The following PARD6G variants were observed in gnomAD, a reference collection of about 807,000 sequenced individuals.
The protein encoded by PARD6G is partitioning defective 6 homolog gamma.
Under a neutral mutation model 10.7 loss-of-function variants are expected in PARD6G, and 7 were observed. That is an observed-to-expected ratio of 0.66 (90% CI 0.37 to 1.23). The LOEUF (loss-of-function observed/expected upper bound fraction) is 1.23. Ranked by LOEUF, PARD6G falls within the 50% of genes most tolerant of loss-of-function variation. The pLI is 0.02. For missense variants in PARD6G, 548 were observed against 571.8 expected (o/e 0.96, Z 0.42); for synonymous variants, 287 against 269.4 (o/e 1.07, Z -0.64).
At chr18:80,233,184 C>G (rs1418624585) in intron 1 of PARD6G, among the ~76,000 whole-genome samples, 1 of 152,236 alleles carries the variant, frequency 6.6e-6, no homozygotes, top group African/African-American at 2.4e-5. Flanking sequence ...GTGTCACCTT[C>G]CAGGCAAACT....
intron 2 of PARD6G, among the ~76,000 whole-genome samples, chr18:80,167,875 A>G (rs143769437): frequency 6.6e-6 from 1 of 152,254 alleles, no homozygotes; most frequent in African/African-American, 2.4e-5. Flanking sequence ...TCATAAACTA[A>G]TTCTGAATGA....
chr18:80,177,082 G>GCACA (rs1217419393), intron 2 of PARD6G, among the ~76,000 whole-genome samples: 1 of 104,408 alleles, frequency 9.6e-6, no homozygotes, highest in Non-Finnish European at 2.0e-5. Flanking sequence ...TGGAAAGCGC[G>GCACA]CACACACACA....
intron 1 of PARD6G, among the ~76,000 whole-genome samples, chr18:80,216,274 C>A (rs777782856): frequency 5.4e-4 from 82 of 152,008 alleles, no homozygotes; most frequent in Non-Finnish European, 8.4e-4. Context: ...ACCAACTAGA[C>A]CTGGAAGACA....
At chr18:80,213,946 C>CAA (rs36051371) in intron 1 of PARD6G, among the ~76,000 whole-genome samples, 3,847 of 115,416 alleles carry the variant, frequency 0.033, 259 homozygotes, top group African/African-American at 0.11. Flanking sequence ...GACTCCATCT[C>CAA]AAAAAAAAAA....
At chr18:80,164,399 G>C (rs1406234172) in intron 2 of PARD6G, among the ~76,000 whole-genome samples, 1 of 152,190 alleles carries the variant, frequency 6.6e-6, no homozygotes, top group Non-Finnish European at 1.5e-5. Context: ...TTGCCTCTGT[G>C]ATGTGCTCTC....
rs867163980 is a variant in PARD6G, at chr18:80,200,313, C to A, written c.295+2397G>T. On this transcript the variant is annotated intron_variant, in intron 2 of 2. Coordinates refer to ENST00000353265, the MANE Select transcript of PARD6G (RefSeq NM_032510.4). This position sits in a 1 kb window ranked among gnomAD's most constrained non-coding sequence, Gnocchi z 4.4. ...ACCGGAAACAACTGCCCCTGACTGC[C>A]ACCTGGAATGTCGTCATCTTTACAG... Among the ~76,000 whole-genome samples the A allele has an allele frequency of 1.3e-5, 2 of 152,176 alleles. No homozygotes were observed. Among genetic ancestry groups the A allele is most frequent in the Non-Finnish European group, 2.9e-5 (2 of 68,046 alleles).
intron 1 of PARD6G, among the ~76,000 whole-genome samples, chr18:80,241,794 C>T (rs2145308959): frequency 6.6e-6 from 1 of 152,274 alleles, no homozygotes; most frequent in East Asian, 1.9e-4. Flanking sequence ...CAAGTGAACA[C>T]ATCTAACCAC....
intron 2 of PARD6G, among the ~76,000 whole-genome samples, chr18:80,185,178 A>G (rs1237534058): frequency 6.6e-6 from 1 of 152,232 alleles, no homozygotes; most frequent in African/African-American, 2.4e-5. Context: ...AAGGGGAGTT[A>G]CCAGCACATC....
intron 1 of PARD6G, among the ~76,000 whole-genome samples, chr18:80,242,227 T>C (rs993013322): frequency 2.8e-4 from 42 of 152,238 alleles, no homozygotes; most frequent in African/African-American, 8.7e-4. Flanking sequence ...TCACTGAACC[T>C]GTTTAAGCAC....
chr18:80,160,048 A>G lies in PARD6G; in HGVS notation c.854T>C (p.Leu285Pro). ...GFVGPPAPRV[L>P]QNFHPDEAES... ...CGCCTCGTCGGGGTGGAAGTTCTGC[A>G]GGACGCGCGGGGCGGGGGGACCCAC... Residue 285 changes from leucine (L) to proline (P), a missense_variant, in exon 3 of 3, where the codon CTG (leucine) becomes CCG (proline). Leu to Pro is a moderately conservative substitution (Grantham distance 98, BLOSUM62 -3). This residue lies in a region of PARD6G where 313 missense variants were observed against 279.9 expected (regional missense o/e 1.12). Coordinates refer to ENST00000353265, the MANE Select transcript of PARD6G (RefSeq NM_032510.4). 6.5e-7 allele frequency: 1 copy of G among 1,546,522 alleles called. No individual in the cohort carries two copies. The highest frequency in any genetic ancestry group is 8.7e-7 in the Non-Finnish European group (1 of 1,152,352).
chr18:80,204,023 G>T (rs1338739005), intron 1 of PARD6G, among the ~76,000 whole-genome samples: 1 of 152,034 alleles, frequency 6.6e-6, no homozygotes, highest in Non-Finnish European at 1.5e-5. Context: ...CCCAACCCTG[G>T]CTCAGATGCC....
chr18:80,160,811 G>C (rs1056982191), intron 2 of PARD6G, among the ~76,000 whole-genome samples: 2 of 152,196 alleles, frequency 1.3e-5, no homozygotes, highest in African/African-American at 4.8e-5. Flanking sequence ...TCTCCTTACA[G>C]CTCCACAGGC....
At chr18:80,178,734 C>T (rs561780324) in intron 2 of PARD6G, among the ~76,000 whole-genome samples, 12 of 152,172 alleles carry the variant, frequency 7.9e-5, no homozygotes, top group Non-Finnish European at 7.3e-5. Context: ...AGTGTCTTTA[C>T]AGAACACATG....
rs570055103 is a variant in PARD6G at position 80,195,814 on chromosome 18, T to G, written c.295+6896A>C. Among the ~76,000 whole-genome samples the G allele has an allele frequency of 4.7e-5, 7 of 150,402 alleles. No individual in the cohort carries two copies. In the East Asian group the frequency reaches 1.2e-3, roughly 25 times the overall value. ...CGCTTGAACCTGGGAGGTGGCCGTGTCAGTGAGCTGAGATGGCACCAGTGC... is the reference window on the plus strand; with the variant it reads ...CGCTTGAACCTGGGAGGTGGCCGTGGCAGTGAGCTGAGATGGCACCAGTGC... On this transcript the variant is annotated intron_variant, in intron 2 of 2. Coordinates refer to ENST00000353265, the MANE Select transcript of PARD6G (RefSeq NM_032510.4).
intron 2 of PARD6G, chr18:80,197,546 T>C (rs2145277085): frequency 6.6e-6 from 1 of 152,344 alleles, no homozygotes; most frequent in East Asian, 1.9e-4. Context: ...TTCAGAGTGC[T>C]CTGTGCTGAA....
chr18:80,159,883 GCCAGGT>G lies in PARD6G; in HGVS notation c.1013_1018del (p.Asp338_Leu339del). 2 of 1,514,966 alleles carry G rather than the reference GCCAGGT, an allele frequency of 1.3e-6. No homozygotes were observed. The highest frequency in any genetic ancestry group is 1.8e-6 in the Non-Finnish European group (2 of 1,137,576). 93.8% of individuals were successfully genotyped at this position (1,514,966 alleles called of 1,614,324 possible). A position where few individuals can be genotyped will look rare whatever the true frequency, so the allele number is the denominator to read the frequency against. On this transcript the variant is annotated inframe_deletion, in exon 3 of 3. Coordinates refer to ENST00000353265, the MANE Select transcript of PARD6G (RefSeq NM_032510.4). ...CAGCCGCTGGAGGCCGCCGTCCAGG[GCCAGGT>G]CCCGCTGCAGCCGCTGCGCCAGGCC... is the stretch of plus-strand genomic sequence containing the variant.
intron 1 of PARD6G, among the ~76,000 whole-genome samples, chr18:80,209,735 C>T (rs1472703403): frequency 6.6e-6 from 1 of 152,180 alleles, no homozygotes; most frequent in Non-Finnish European, 1.5e-5. Flanking sequence ...TCGTTTGAAC[C>T]TGGGATGTGG....
chr18:80,193,118 C>T lies in PARD6G; in HGVS notation c.295+9592G>A, dbSNP rs975008436. Among the ~76,000 whole-genome samples the T allele has an allele frequency of 4.6e-5, 7 of 152,244 alleles. No homozygotes were observed. The South Asian group carries it at 6.2e-4, about 14-fold the overall frequency. On this transcript the variant is annotated intron_variant, in intron 2 of 2. Coordinates refer to ENST00000353265, the MANE Select transcript of PARD6G (RefSeq NM_032510.4). ...CCACCTGAAGCCCAAGAGGCACAGCCCCTCCTCAGCACTGATGCCAGTATC... is the reference window on the plus strand; with the variant it reads ...CCACCTGAAGCCCAAGAGGCACAGCTCCTCCTCAGCACTGATGCCAGTATC...
chr18:80,242,149 G>T (rs1967497146), intron 1 of PARD6G, among the ~76,000 whole-genome samples: 1 of 151,918 alleles, frequency 6.6e-6, no homozygotes. Flanking sequence ...CGCCATCAGT[G>T]CCCCCCAGGC....
Sources: gnomAD v4.1 joint callset for allele counts (sites outside exome capture counted in the v4.1 genomes callset) on GRCh38, gnomAD v4.1.1 for gene constraint, gnomAD v4.1.1 regional missense constraint, Gnocchi (gnomAD v3.1) non-coding constraint, MANE v1.5 for transcripts, NCBI Gene and HGNC (gene_info 2026-07-23, HGNC 2026-07-21) for gene names.